The following COBL variants were observed in gnomAD, a reference collection of about 807,000 sequenced individuals.
The protein encoded by COBL is protein cordon-bleu.
COBL carries 51 observed loss-of-function variants against 98.8 expected under a neutral mutation model. The ratio of observed to expected loss-of-function variants is 0.52; its 90% CI spans 0.41 to 0.65. The LOEUF is 0.65. Among genes scored for constraint, COBL ranks in the 30% least tolerant of loss-of-function variants. The pLI is 0.00. For missense variants in COBL, 1,617 were observed against 1,617.5 expected, an observed-to-expected ratio of 1.00 and a Z score of 0.01; for synonymous variants, 634 against 651.7, an observed-to-expected ratio of 0.97 and a Z score of 0.41.
chr7:51,124,807 TC>T (rs1350780895), intron 6 of COBL, among the ~76,000 whole-genome samples: 1 of 123,884 alleles, frequency 8.1e-6, no homozygotes, highest in Non-Finnish European at 1.8e-5. Flanking sequence ...CAATTTTTTT[TC>T]TTTCTTTCTT....
chr7:51,069,633 G>T (rs1792307770), intron 7 of COBL, among the ~76,000 whole-genome samples: 1 of 152,252 alleles, frequency 6.6e-6, no homozygotes, highest in Admixed American at 6.5e-5. Flanking sequence ...TGGCAGAGAG[G>T]ATGTGTGTGT....
intron 6 of COBL, among the ~76,000 whole-genome samples, chr7:51,104,656 C>T (rs1796092216): frequency 6.8e-6 from 1 of 147,934 alleles, no homozygotes; most frequent in African/African-American, 2.7e-5. Context: ...ACTCCCCTAA[C>T]CAACAGTCGG....
chr7:51,092,141 T>C lies in COBL; in HGVS notation c.958-6837A>G, dbSNP rs117582320. Among the ~76,000 whole-genome samples the C allele has an allele frequency of 5.8e-4, 89 of 152,294 alleles. No individual in the cohort carries two copies. The East Asian group carries it at 0.017, about 28-fold the overall frequency. ...AACCCTATTGTGAACTGTGCATGCA[T>C]GGGATCTAGATTGTGCACTCCTTAT... On this transcript the variant is annotated intron_variant, in intron 6 of 12. Transcript: ENST00000265136.
At chr7:51,079,596 T>C (rs916767936) in intron 7 of COBL, among the ~76,000 whole-genome samples, 3 of 152,190 alleles carry the variant, frequency 2.0e-5, no homozygotes, top group Non-Finnish European at 1.5e-5. Context: ...AAAGGATAAA[T>C]GCCTAGAGGG....
chr7:51,030,993 A>C, intron 8 of COBL, 84 bp from the exon 9 acceptor site: 1 of 932,140 alleles, frequency 1.1e-6, no homozygotes, highest in Non-Finnish European at 1.7e-6. Context: ...CTGAGGATAG[A>C]ACAGCTCATA....
chr7:51,129,446 T>G (rs1279299094), intron 6 of COBL, among the ~76,000 whole-genome samples: 2 of 152,110 alleles, frequency 1.3e-5, no homozygotes. Context: ...ATCTGAGTTT[T>G]GGAGGACGCC....
chr7:51,082,836 G>C (rs1793802457), intron 7 of COBL, among the ~76,000 whole-genome samples: 1 of 152,224 alleles, frequency 6.6e-6, no homozygotes, highest in Admixed American at 6.5e-5. Context: ...GTGTTTAGCT[G>C]AAGTCTGACC....
At chr7:51,207,016 TC>T (rs1296252141) in intron 2 of COBL, among the ~76,000 whole-genome samples, 7 of 152,188 alleles carry the variant, frequency 4.6e-5, no homozygotes, top group African/African-American at 1.7e-4. Context: ...CCTTCAGTGT[TC>T]TCACTACACA....
In COBL at chr7:51,026,601, C is replaced by T. The variant is rs775998120; in HGVS notation, c.3449G>A (p.Arg1150Gln). 1.3e-5 allele frequency: 21 copies of T among 1,614,048 alleles called. No individual in the cohort carries two copies. Among genetic ancestry groups the T allele is most frequent in the Middle Eastern group, 1.6e-4 (1 of 6,082 alleles). ...KLSYTEAEGE[R>Q]SALLAAIRGH... is the part of the protein sequence containing the mutation. ...GCGGATAGCTGCCAGCAGTGCAGAT[C>T]GTTCGCCCTCTGCCTCCGTGTAGGA... Residue 1150 changes from arginine to glutamine, a missense_variant, in exon 11 of 13, where the codon CGA (arginine) becomes CAA (glutamine). Around this residue, in one of 3 missense-constraint regions of COBL, gnomAD observed 1,304 missense variants for 1,282.0 expected, o/e 1.02. Transcript: ENST00000265136.
chr7:51,276,083 ATG>A (rs1164685740), intron 1 of COBL, among the ~76,000 whole-genome samples: 1 of 152,180 alleles, frequency 6.6e-6, no homozygotes, highest in African/African-American at 2.4e-5. Context: ...ATAAATGAAA[ATG>A]TGCACTGAGG....
rs979028026 is a variant in COBL at position 51,016,566 on chromosome 7, T to C, written c.*985A>G. ...ACCATGTGAGAAGACCACGATATCA[T>C]ACAAAGGGAGCCAATGAGCTGTTGG... On this transcript the variant is annotated 3_prime_UTR_variant, in exon 13 of 13. Transcript: ENST00000265136. 5.4e-6 allele frequency: 1 copy of C among 185,498 alleles called. No individual in the cohort carries two copies. Among genetic ancestry groups the C allele is most frequent in the East Asian group, 1.3e-4 (1 of 7,592 alleles). The allele number at this position is 185,498 out of a possible 1,614,324, so 11.5% of individuals were successfully genotyped here.
intron 4 of COBL, 84 bp downstream of exon 4, chr7:51,190,766 G>A (rs1199591559): frequency 1.8e-6 from 2 of 1,095,210 alleles, no homozygotes; most frequent in African/African-American, 3.1e-5. Context: ...TACTGAGAGT[G>A]CTGGGGAGAG....
chr7:51,017,371 C>G lies in COBL; in HGVS notation c.*180G>C, dbSNP rs1786374240. ...GCACACGAGCTGCGCAGCGACACAG[C>G]ATCTTCTCCTTTCCTTTCAAGCCGT... On this transcript the variant is annotated 3_prime_UTR_variant, in exon 13 of 13. Coordinates refer to ENST00000265136, the MANE Select transcript of COBL (RefSeq NM_015198.5). 1.5e-6 allele frequency: 1 copy of G among 650,514 alleles called. No homozygotes were observed. Among genetic ancestry groups the G allele is most frequent in the Non-Finnish European group, 2.8e-6 (1 of 361,140 alleles). The allele number at this position is 650,514 out of a possible 1,614,324, so 40.3% of individuals were successfully genotyped here.
At chr7:51,293,076 T>C (rs1801065706) in intron 1 of COBL, among the ~76,000 whole-genome samples, 1 of 152,256 alleles carries the variant, frequency 6.6e-6, no homozygotes, top group Non-Finnish European at 1.5e-5. Flanking sequence ...CAACTGTTAA[T>C]TCTCATCCAC....
At chr7:51,176,819 G>A (rs1354187312) in intron 5 of COBL, among the ~76,000 whole-genome samples, 1 of 152,122 alleles carries the variant, frequency 6.6e-6, no homozygotes, top group Non-Finnish European at 1.5e-5. Flanking sequence ...ATGTTTGTAT[G>A]TATACATGTG....
At chr7:51,178,584 A>G (rs1373982112) in intron 5 of COBL, among the ~76,000 whole-genome samples, 1 of 152,152 alleles carries the variant, frequency 6.6e-6, no homozygotes, top group African/African-American at 2.4e-5. Context: ...AGAGGAAGAC[A>G]CACTCACCGT....
At chr7:51,235,125 C>T (rs1302527886) in intron 1 of COBL, among the ~76,000 whole-genome samples, 1 of 152,200 alleles carries the variant, frequency 6.6e-6, no homozygotes, top group Non-Finnish European at 1.5e-5. Flanking sequence ...CACTAATCTG[C>T]ACTTCCAATC....
At chr7:51,181,513 T>C (rs1027511449) in intron 5 of COBL, among the ~76,000 whole-genome samples, 4 of 152,224 alleles carry the variant, frequency 2.6e-5, no homozygotes, top group African/African-American at 9.6e-5. Context: ...TGAGAATCCT[T>C]GTCAAACAAC....
intron 2 of COBL, among the ~76,000 whole-genome samples, chr7:51,217,435 G>A (rs929297113): frequency 4.8e-5 from 7 of 146,996 alleles, no homozygotes; most frequent in South Asian, 2.1e-4. Flanking sequence ...TCCATCTCCC[G>A]GGTTCAAGTG....
Sources: allele counts gnomAD v4.1 joint callset (sites outside exome capture counted in the v4.1 genomes callset), GRCh38; gene constraint gnomAD v4.1.1; regional missense constraint gnomAD v4.1.1; transcripts MANE v1.5; gene names NCBI Gene and HGNC (gene_info 2026-07-23, HGNC 2026-07-21).